SPTB: variants seen among roughly 807,000 people sequenced by gnomAD.
SPTB encodes spectrin beta chain, erythrocytic.
A neutral mutation model predicts 256.2 loss-of-function variants in SPTB; 45 were observed. The ratio of observed to expected loss-of-function variants is 0.18; its 90% CI spans 0.14 to 0.23. The LOEUF is 0.23. Ranked by LOEUF, SPTB falls within the 10% of genes least tolerant of loss-of-function variation. The pLI is 1.00. For missense variants in SPTB, 2,715 were observed against 3,040.4 expected, an observed-to-expected ratio of 0.89 and a Z score of 2.52; for synonymous variants, 1,231 against 1,243.1, an observed-to-expected ratio of 0.99 and a Z score of 0.21.
rs563766129 is a variant in SPTB at position 64,824,757 on chromosome 14, G to A, written c.-51-1612C>T. Among the ~76,000 whole-genome samples the A allele has an allele frequency of 4.6e-5, 7 of 152,268 alleles. No individual in the cohort carries two copies. The South Asian group carries it at 1.2e-3, about 27-fold the overall frequency. ...GCACATCCACCAGGCACATGATCAC[G>A]GAGGCACTGAAGCACATTCACCAGC... On this transcript the variant is annotated intron_variant, in intron 1 of 35. Coordinates refer to ENST00000644917, the MANE Select transcript of SPTB (RefSeq NM_001355436.2). This position sits in a 1 kb window ranked among gnomAD's most constrained non-coding sequence, Gnocchi z 5.7.
chr14:64,769,864 G>A, intron 27 of SPTB, 136 bp from the exon 28 acceptor site: 2 of 1,225,048 alleles, frequency 1.6e-6, no homozygotes, highest in Non-Finnish European at 2.4e-6. Context: ...TGGCCAGCCA[G>A]GGGGTCCTCC....
At position 64,844,385 on chromosome 14, in the gene SPTB, A is replaced by C. The variant is rs1244525651; in HGVS notation, c.-51-21240T>G. On this transcript the variant is annotated intron_variant, in intron 1 of 35. Transcript: ENST00000644917. This position sits in a 1 kb window ranked among gnomAD's most constrained non-coding sequence, Gnocchi z 4.1. ...ATACCATCACCCCCAACAACGAAACAACCATGTTTAGTGAGTACTTAGAAC... is the reference window on the plus strand; with the variant it reads ...ATACCATCACCCCCAACAACGAAACCACCATGTTTAGTGAGTACTTAGAAC... Among the ~76,000 whole-genome samples the C allele has an allele frequency of 6.6e-6, 1 of 152,196 alleles. No homozygotes were observed. The highest frequency in any genetic ancestry group is 6.5e-5 in the Admixed American group (1 of 15,284).
rs201379995 is a variant in SPTB, at chr14:64,803,547, T to C, written c.474+60A>G. The C allele has an allele frequency of 2.2e-5, 36 of 1,604,730 alleles. No homozygotes were observed. The Admixed American group carries it at 5.8e-4, about 26-fold the overall frequency. On this transcript the variant is annotated intron_variant, in intron 4 of 35. Transcript: ENST00000644917. ...CACTCTGTTCAGCATTTTATAAGAT[T>C]CTAAGGCCCTGGGCAGCCTTGAGGG...
At chr14:64,854,479 C>T (rs1226185183) in intron 1 of SPTB, among the ~76,000 whole-genome samples, 3 of 151,450 alleles carry the variant, frequency 2.0e-5, no homozygotes, top group East Asian at 2.0e-4. Flanking sequence ...GGGGTTTCAC[C>T]GTGTTAGCCA....
intron 33 of SPTB, among the ~76,000 whole-genome samples, chr14:64,751,559 A>G (rs1414121071): frequency 6.6e-6 from 1 of 152,200 alleles, no homozygotes; most frequent in East Asian, 1.9e-4. Flanking sequence ...TTACACATAA[A>G]TCTGTGCCTA....
Position 64,772,491 on chromosome 14 carries a change from A to T in SPTB, c.5553+89T>A. ...GGCAAAACCTCCTGGCACTTATCCT[A>T]GAGGTTTTCCTGCTGACAGCCAGGT... On this transcript the variant is annotated intron_variant, in intron 26 of 35. Coordinates refer to ENST00000644917, the MANE Select transcript of SPTB (RefSeq NM_001355436.2). This position sits in a 1 kb window ranked among gnomAD's most constrained non-coding sequence, Gnocchi z 5.4. 1 of 1,546,652 alleles carries T rather than the reference A, an allele frequency of 6.5e-7. No homozygotes were observed. The highest frequency in any genetic ancestry group is 1.4e-5 in the African/African-American group (1 of 73,870).
chr14:64,801,699 A>T, intron 6 of SPTB, 55 bp downstream of exon 6: 1 of 1,546,356 alleles, frequency 6.5e-7, no homozygotes, highest in Non-Finnish European at 8.9e-7. Flanking sequence ...ATGTGTCCAA[A>T]TATTCCCAGG....
chr14:64,765,666 C>T (rs758639584), intron 32 of SPTB, among the ~76,000 whole-genome samples: 2 of 152,260 alleles, frequency 1.3e-5, no homozygotes, highest in Non-Finnish European at 2.9e-5. Flanking sequence ...CACTGACCCA[C>T]AGGCCTCAGG....
intron 22 of SPTB, among the ~76,000 whole-genome samples, chr14:64,776,603 G>A (rs2082360828): frequency 6.7e-6 from 1 of 150,214 alleles, no homozygotes; most frequent in South Asian, 2.1e-4. Context: ...ACCACATCTG[G>A]CTAATTTTTT....
At chr14:64,870,162 C>T (rs916770154) in intron 1 of SPTB, among the ~76,000 whole-genome samples, 2 of 152,036 alleles carry the variant, frequency 1.3e-5, no homozygotes, top group Non-Finnish European at 2.9e-5. Flanking sequence ...AAGCAATCAG[C>T]GCTACCCCAG....
In SPTB at chr14:64,773,139, A is replaced by C. The variant is rs1174015699; in HGVS notation, c.5178+81T>G. 10 of 1,586,568 alleles carry C rather than the reference A, an allele frequency of 6.3e-6. No homozygotes were observed. In the African/African-American group the frequency reaches 8.1e-5, roughly 13 times the overall value. On this transcript the variant is annotated intron_variant, in intron 25 of 35. Transcript: ENST00000644917. ...CTGGGGAGGTTACGTCCTATGCAGC[A>C]CTCTGTGTGTCTTGAGTGACGGCTG...
chr14:64,868,456 A>C (rs1210578037), intron 1 of SPTB, among the ~76,000 whole-genome samples: 1 of 152,206 alleles, frequency 6.6e-6, no homozygotes, highest in African/African-American at 2.4e-5. Flanking sequence ...CCAGGATGAC[A>C]TGGTGAGCTT....
chr14:64,869,904 A>G (rs760471929), intron 1 of SPTB, among the ~76,000 whole-genome samples: 5 of 151,080 alleles, frequency 3.3e-5, no homozygotes, highest in Non-Finnish European at 7.4e-5. Context: ...TGCTGGGATT[A>G]TAGGCATGAG....
At chr14:64,757,754 G>A (rs2082035910) in intron 32 of SPTB, among the ~76,000 whole-genome samples, 1 of 152,168 alleles carries the variant, frequency 6.6e-6, no homozygotes. Flanking sequence ...CAGCTCCCAG[G>A]AGGCTGGCCA....
chr14:64,775,587 A>G lies in SPTB; in HGVS notation c.4564-184T>C, dbSNP rs1204871407. Among the ~76,000 whole-genome samples the G allele has an allele frequency of 6.6e-6, 1 of 152,216 alleles. No homozygotes were observed. The highest frequency in any genetic ancestry group is 1.5e-5 in the Non-Finnish European group (1 of 68,028). ...GGCTGCTAAGCACCTCATGTGCACCATTCTTGCACCCTCAGGTGGCCTGCT... is the reference window on the plus strand; with the variant it reads ...GGCTGCTAAGCACCTCATGTGCACCGTTCTTGCACCCTCAGGTGGCCTGCT... On this transcript the variant is annotated intron_variant, in intron 22 of 35. Transcript: ENST00000644917. The surrounding 1 kb of genome is among the most constrained non-coding windows in gnomAD (Gnocchi z 5.0).
In SPTB at chr14:64,847,896, C is replaced by T. The variant is rs568037760; in HGVS notation, c.-51-24751G>A. Among the ~76,000 whole-genome samples, 1 of 152,164 alleles carries T rather than the reference C, an allele frequency of 6.6e-6. No homozygotes were observed. Among genetic ancestry groups the T allele is most frequent in the South Asian group, 2.1e-4 (1 of 4,832 alleles). On this transcript the variant is annotated intron_variant, in intron 1 of 35. Transcript: ENST00000644917. The surrounding 1 kb of genome is among the most constrained non-coding windows in gnomAD (Gnocchi z 5.9). ...TGAGACAAAGGGAGGCACTCCACAC[C>T]TCCGCTTCCTCCACTGTCCGTGGCC...
chr14:64,774,580 C>A, intron 23 of SPTB, 53 bp from the exon 24 acceptor site: 1 of 1,550,562 alleles, frequency 6.4e-7, no homozygotes, highest in Non-Finnish European at 8.7e-7. Context: ...ATGATCCCTC[C>A]CTTGGCAAGT....
At chr14:64,865,598 A>G (rs1474725608) in intron 1 of SPTB, among the ~76,000 whole-genome samples, 1 of 152,162 alleles carries the variant, frequency 6.6e-6, no homozygotes, top group Non-Finnish European at 1.5e-5. Context: ...CATTGAGGAC[A>G]CTGTACTGAG....
chr14:64,822,144 C>T (rs1030085828), intron 2 of SPTB, among the ~76,000 whole-genome samples: 14 of 151,258 alleles, frequency 9.3e-5, no homozygotes, highest in African/African-American at 3.2e-4. Context: ...ACCCACCTTC[C>T]ACACATACAC....
Sources: allele counts gnomAD v4.1 joint callset (sites outside exome capture counted in the v4.1 genomes callset), GRCh38; gene constraint gnomAD v4.1.1; non-coding constraint Gnocchi (gnomAD v3.1); transcripts MANE v1.5; gene names NCBI Gene and HGNC (gene_info 2026-07-23, HGNC 2026-07-21).